The following SPIDR variants were observed in gnomAD, a reference collection of about 807,000 sequenced individuals.
SPIDR encodes the protein scaffold protein involved in DNA repair.
A neutral mutation model predicts 104.6 loss-of-function variants in SPIDR; 93 were observed. The observed-to-expected ratio is 0.89, with a 90% confidence interval of 0.75 to 1.06. SPIDR has a LOEUF of 1.06. Among genes scored for constraint, SPIDR ranks in the 50% least tolerant of loss-of-function variants. The probability of loss-of-function intolerance (pLI) is 0.00; values close to 1 mark genes in which losing one functional copy is unlikely to be tolerated. For missense variants in SPIDR, 1,154 were observed against 1,111.2 expected, an observed-to-expected ratio of 1.04 and a Z score of -0.55; for synonymous variants, 431 against 416.9, an observed-to-expected ratio of 1.03 and a Z score of -0.41.
chr8:47,620,878 A>C (rs927922364), intron 10 of SPIDR, among the ~76,000 whole-genome samples: 4 of 151,624 alleles, frequency 2.6e-5, no homozygotes, highest in Non-Finnish European at 4.4e-5. Context: ...TCGGCCTCCC[A>C]AAGTGCTGTG....
At chr8:47,387,431 A>G (rs2060087120) in intron 5 of SPIDR, among the ~76,000 whole-genome samples, 1 of 152,144 alleles carries the variant, frequency 6.6e-6, no homozygotes, top group Non-Finnish European at 1.5e-5. Context: ...GTGGAGCAAG[A>G]GACCAGCTAT....
intron 8 of SPIDR, among the ~76,000 whole-genome samples, chr8:47,492,289 T>G (rs993338776): frequency 3.3e-5 from 5 of 152,086 alleles, no homozygotes; most frequent in Non-Finnish European, 5.9e-5. Flanking sequence ...TACACATAAT[T>G]TTATTCTTCC....
chr8:47,559,399 CAGA>C (rs1399174618), intron 8 of SPIDR, among the ~76,000 whole-genome samples: 2 of 152,166 alleles, frequency 1.3e-5, no homozygotes, highest in Non-Finnish European at 1.5e-5. Flanking sequence ...CCATTGGAAA[CAGA>C]AGGTTTGCAC....
chr8:47,505,122 A>C (rs2081268277), intron 8 of SPIDR, among the ~76,000 whole-genome samples: 1 of 152,164 alleles, frequency 6.6e-6, no homozygotes, highest in African/African-American at 2.4e-5. Flanking sequence ...TCAGATCTCC[A>C]TCTGAGTGCT....
intron 5 of SPIDR, among the ~76,000 whole-genome samples, chr8:47,318,206 G>A (rs1173091280): frequency 6.6e-6 from 1 of 152,116 alleles, no homozygotes; most frequent in Non-Finnish European, 1.5e-5. Context: ...AAAAAAACGA[G>A]ACAAATGGCT....
intron 5 of SPIDR, chr8:47,357,925 G>T: frequency 1.1e-6 from 1 of 925,420 alleles, no homozygotes; most frequent in Non-Finnish European, 1.3e-6. Flanking sequence ...TGTGATTTCA[G>T]CAGGCTTGCA....
At chr8:47,574,218 T>C (rs567184098) in intron 8 of SPIDR, among the ~76,000 whole-genome samples, 2 of 152,372 alleles carry the variant, frequency 1.3e-5, no homozygotes, top group Admixed American at 1.3e-4. Flanking sequence ...CTTCCAAAAA[T>C]CCTTTTATTG....
chr8:47,594,195 A>C (rs2061388000), intron 8 of SPIDR, among the ~76,000 whole-genome samples: 1 of 61,712 alleles, frequency 1.6e-5, no homozygotes, highest in African/African-American at 8.2e-5. Flanking sequence ...CCCAGTCTCT[A>C]CAAAAAAAAA....
rs191502609 is a variant in SPIDR at position 47,441,242 on chromosome 8, G to C, written c.1097+700G>C. Reference sequence around the variant, plus strand: ...TAATTTTAGCAGACTTTGTCAAATGGCACCATTTTACGTTCCCACTGGCAA... The same window carrying C: ...TAATTTTAGCAGACTTTGTCAAATGCCACCATTTTACGTTCCCACTGGCAA... On this transcript the variant is annotated intron_variant, in intron 8 of 19. Coordinates refer to ENST00000297423, the MANE Select transcript of SPIDR (RefSeq NM_001080394.4). Among the ~76,000 whole-genome samples the C allele has an allele frequency of 3.0e-4, 46 of 152,160 alleles. No individual in the cohort carries two copies. The East Asian group carries it at 8.9e-3, about 29-fold the overall frequency.
intron 5 of SPIDR, among the ~76,000 whole-genome samples, chr8:47,379,506 G>A (rs997033328): frequency 3.3e-5 from 5 of 152,266 alleles, no homozygotes; most frequent in Middle Eastern, 3.4e-3. Context: ...CTCCAGCCTG[G>A]GTGAATTGGG....
At chr8:47,691,975 T>G (rs549848016) in intron 11 of SPIDR, among the ~76,000 whole-genome samples, 1 of 152,328 alleles carries the variant, frequency 6.6e-6, no homozygotes. Context: ...TCCCCAGTTT[T>G]TCATTTCCTG....
In SPIDR at chr8:47,537,952, G is replaced by C. The variant is rs7007700; in HGVS notation, c.1098-57859G>C. ...AACAGTTTGGGAGGCTGAGGCGGGCGGATCATTTGAGGTCAGGAGTTCGAG... is the reference window on the plus strand; with the variant it reads ...AACAGTTTGGGAGGCTGAGGCGGGCCGATCATTTGAGGTCAGGAGTTCGAG... On this transcript the variant is annotated intron_variant, in intron 8 of 19. Coordinates refer to ENST00000297423, the MANE Select transcript of SPIDR (RefSeq NM_001080394.4). 8.5e-3 allele frequency among the ~76,000 whole-genome samples: 1,299 copies of C among 152,210 alleles called. 16 individuals carry two copies. Among genetic ancestry groups the C allele is most frequent in the African/African-American group, 0.029 (1,192 of 41,524 alleles).
intron 8 of SPIDR, among the ~76,000 whole-genome samples, chr8:47,540,856 G>T (rs2087964940): frequency 6.6e-6 from 1 of 152,110 alleles, no homozygotes; most frequent in South Asian, 2.1e-4. Context: ...TGAAAAAACA[G>T]TGGTTTTAAT....
At chr8:47,722,087 A>C (rs758757991) in intron 16 of SPIDR, among the ~76,000 whole-genome samples, 9 of 152,064 alleles carry the variant, frequency 5.9e-5, no homozygotes, top group Admixed American at 1.3e-4. Flanking sequence ...CCTCATACAG[A>C]TCTTGTACAT....
intron 8 of SPIDR, among the ~76,000 whole-genome samples, chr8:47,513,646 G>T (rs1314720456): frequency 6.6e-6 from 1 of 152,172 alleles, no homozygotes; most frequent in Non-Finnish European, 1.5e-5. Context: ...CTGACTCATA[G>T]TATACAGTGG....
intron 10 of SPIDR, among the ~76,000 whole-genome samples, chr8:47,641,354 C>T (rs772751398): frequency 3.3e-5 from 5 of 151,956 alleles, no homozygotes; most frequent in Non-Finnish European, 5.9e-5. Context: ...TTTCTCTGTA[C>T]TACTTGCTAT....
chr8:47,636,357 C>G (rs542812732), intron 10 of SPIDR, among the ~76,000 whole-genome samples: 1 of 152,258 alleles, frequency 6.6e-6, no homozygotes, highest in Non-Finnish European at 1.5e-5. Context: ...CCCTGAAACA[C>G]AACAATATTG....
chr8:47,627,527 C>T (rs964837313), intron 10 of SPIDR, among the ~76,000 whole-genome samples: 7 of 152,056 alleles, frequency 4.6e-5, no homozygotes, highest in Non-Finnish European at 7.4e-5. Context: ...TATTTTCATA[C>T]GAAAACCAAA....
At position 47,294,219 on chromosome 8, in the gene SPIDR, A is replaced by C. The variant is rs979286858; in HGVS notation, c.525+189A>C. 59 of 612,476 alleles carry C rather than the reference A, an allele frequency of 9.6e-5. 2 individuals are homozygous for C. The highest frequency in any genetic ancestry group is 3.7e-4 in the South Asian group (12 of 32,194). The allele number at this position is 612,476 out of a possible 1,614,324, so 37.9% of individuals were successfully genotyped here. A position where few individuals can be genotyped will look rare whatever the true frequency, so the allele number is the denominator to read the frequency against. On this transcript the variant is annotated intron_variant, in intron 5 of 19. Coordinates refer to ENST00000297423, the MANE Select transcript of SPIDR (RefSeq NM_001080394.4). ...GCTTGTGCTGTACTTCTCAACATGG[A>C]TAAATATTGATCTCACTTCTCTTTC... is the stretch of plus-strand genomic sequence containing the variant.
Sources: allele counts gnomAD v4.1 joint callset (sites outside exome capture counted in the v4.1 genomes callset), GRCh38; gene constraint gnomAD v4.1.1; transcripts MANE v1.5; gene names NCBI Gene and HGNC (gene_info 2026-07-23, HGNC 2026-07-21).